CRLF2: variants seen among roughly 807,000 people sequenced by gnomAD.
The protein encoded by CRLF2 is cytokine receptor-like factor 2.
In CRLF2, 41 loss-of-function variants were observed where a neutral mutation model predicts 38.7. The observed-to-expected ratio is 1.06, with a 90% CI of 0.83 to 1.37. CRLF2 has a LOEUF of 1.37. CRLF2 is among the 40% of genes most tolerant of loss of function. CRLF2 has a pLI of 0.00. For missense variants in CRLF2, 377 were observed against 322.2 expected (o/e 1.17, Z -1.30); for synonymous variants, 140 against 128.8 (o/e 1.09, Z -0.59).
intron 5 of CRLF2, among the ~76,000 whole-genome samples, chrX:1,197,755 A>C (rs763633792): frequency 9.2e-5 from 14 of 151,922 alleles, no homozygotes; most frequent in Non-Finnish European, 1.6e-4. Context: ...CGGAGGTTGC[A>C]GTGAGCCAAG....
chrX:1,199,719 G>A (rs150395110), intron 4 of CRLF2, among the ~76,000 whole-genome samples: 1 of 151,684 alleles, frequency 6.6e-6, no homozygotes, highest in Non-Finnish European at 1.5e-5. Flanking sequence ...GTACCAATAA[G>A]ATATCTCTAT....
At chrX:1,198,215 CGA>C (rs2086529660) in intron 5 of CRLF2, among the ~76,000 whole-genome samples, 7 of 21,164 alleles carry the variant, frequency 3.3e-4, no homozygotes, top group Admixed American at 5.2e-4. Context: ...CCTCCCACCT[CGA>C]AGGCAGGACA....
intron 4 of CRLF2, among the ~76,000 whole-genome samples, chrX:1,199,368 G>T (rs144453802): frequency 5.9e-5 from 9 of 151,806 alleles, no homozygotes; most frequent in African/African-American, 2.2e-4. Flanking sequence ...GCAGTGGTGC[G>T]GTCTCGGCTC....
intron 5 of CRLF2, among the ~76,000 whole-genome samples, chrX:1,198,113 G>A (rs144455167): frequency 2.0e-5 from 3 of 151,932 alleles, no homozygotes; most frequent in Non-Finnish European, 4.4e-5. Context: ...AGCTTGCTCA[G>A]ACACACCCTC....
At chrX:1,192,736 C>G (rs2086412588) in intron 7 of CRLF2, among the ~76,000 whole-genome samples, 1 of 111,852 alleles carries the variant, frequency 8.9e-6, no homozygotes, top group Non-Finnish European at 1.9e-5. Context: ...TTCTTTCTTT[C>G]TTTCTTTCTT....
At chrX:1,192,618 C>G (rs1461470197) in intron 7 of CRLF2, among the ~76,000 whole-genome samples, 3 of 150,318 alleles carry the variant, frequency 2.0e-5, no homozygotes, top group Non-Finnish European at 3.0e-5. Context: ...TTCTTTCCTT[C>G]TTTCTCTCTC....
chrX:1,194,231 A>G (rs2086441952), intron 6 of CRLF2, among the ~76,000 whole-genome samples: 1 of 152,052 alleles, frequency 6.6e-6, no homozygotes, highest in Non-Finnish European at 1.5e-5. Context: ...CGGAGACTGC[A>G]GTGATCCAAG....
chrX:1,210,571 A>G lies in CRLF2; in HGVS notation c.80-1663T>C, dbSNP rs190597018. Among the ~76,000 whole-genome samples the G allele has an allele frequency of 1.2e-3, 189 of 152,168 alleles. 3 individuals are homozygous for G. In the East Asian group the frequency reaches 0.026, roughly 21 times the overall value. Reference sequence around the variant, plus strand: ...GTGATCCGCCCACCTCGGCCTCCCAAAGTGCTGGGATTACAGGCATGAGCC... The same window carrying G: ...GTGATCCGCCCACCTCGGCCTCCCAGAGTGCTGGGATTACAGGCATGAGCC... On this transcript the variant is annotated intron_variant, in intron 1 of 7. Transcript: ENST00000400841.
At chrX:1,201,225 A>G (rs1217737720) in intron 4 of CRLF2, among the ~76,000 whole-genome samples, 4 of 152,016 alleles carry the variant, frequency 2.6e-5, no homozygotes, top group Non-Finnish European at 5.9e-5. Flanking sequence ...TGGTACATGC[A>G]GTCTGCTGAT....
chrX:1,192,522 A>C (rs1428343663), intron 7 of CRLF2, among the ~76,000 whole-genome samples: 163 of 152,102 alleles, frequency 1.1e-3, no homozygotes, highest in African/African-American at 3.7e-3. Context: ...AGGCTGAGGC[A>C]GGAGAATCAT....
At chrX:1,192,740 CTTTCTTTCTTTCTTTCT>C in intron 7 of CRLF2, among the ~76,000 whole-genome samples, 3 of 113,098 alleles carry the variant, frequency 2.7e-5, no homozygotes, top group African/African-American at 1.0e-4. Flanking sequence ...TTCTTTCTTT[CTTTCTTTCTTTCTTTCT>C]TTCTTTCTTT....
In CRLF2 at chrX:1,193,297, T is replaced by C. The variant is rs1348007359; in HGVS notation, c.773A>G (p.Lys258Arg). 192,156 of 397,984 alleles carry C rather than the reference T, an allele frequency of 0.48. 48,309 individuals carry two copies. The highest frequency in any genetic ancestry group is 0.71 in the East Asian group (19,878 of 27,998). 24.7% of individuals were successfully genotyped at this position (397,984 alleles called of 1,614,324 possible). The change falls in exon 7 of 8, where the codon AAG becomes AGG. Residue 258 changes from lysine (K) to arginine (R), a missense_variant. Transcript: ENST00000400841. ...TGGCACGCTGGGAATGAGAAACTTC[T>C]TCACTCTGAAATAGAGACGGAGAGC... ...LLSLWKLWRVKKFLIPSVPDP... is the reference protein window; with the variant it reads ...LLSLWKLWRVRKFLIPSVPDP...
intron 5 of CRLF2, among the ~76,000 whole-genome samples, chrX:1,197,920 T>C (rs1423931785): frequency 6.6e-6 from 1 of 152,092 alleles, no homozygotes; most frequent in Non-Finnish European, 1.5e-5. Context: ...GAGAATCGAT[T>C]GAACGTGGGA....
Position 1,198,584 on chromosome X carries a change from G to C in CRLF2, c.624C>G (p.Cys208Trp), listed in dbSNP as rs2147833105. The change falls in exon 5 of 8, where the codon TGC becomes TGG. Residue 208 changes from cysteine (C) to tryptophan (W), a missense_variant. By Grantham distance (215) the Cys-to-Trp change is radical. Transcript: ENST00000400841. ...TYPSDWSEVT[C>W]WQRGEIRDAC... is the part of the protein sequence containing the mutation. The stretch of plus-strand genomic sequence containing the variant: ...TACCCCGAATCTCGCCTCTCTGCCA[G>C]CATGTCACCTCTGACCAGTCGCTTG... 1 of 1,613,684 alleles carries C rather than the reference G, an allele frequency of 6.2e-7. No homozygotes were observed. Among genetic ancestry groups the C allele is most frequent in the Non-Finnish European group, 8.5e-7 (1 of 1,179,688 alleles).
At chrX:1,200,067 T>C (rs2086573792) in intron 4 of CRLF2, among the ~76,000 whole-genome samples, 1 of 108,264 alleles carries the variant, frequency 9.2e-6, no homozygotes, top group Admixed American at 1.0e-4. Flanking sequence ...ATAAGGTGTG[T>C]ATATATGTGT....
intron 7 of CRLF2, among the ~76,000 whole-genome samples, 186 bp from the exon 8 acceptor site, chrX:1,191,346 C>CT (rs1491422134): frequency 0.13 from 5,809 of 44,524 alleles, 313 homozygotes; most frequent in Middle Eastern, 0.25. Flanking sequence ...TCTTTCTTTC[C>CT]TTCTTTCTTT....
At chrX:1,192,143 T>A (rs1423187390) in intron 7 of CRLF2, among the ~76,000 whole-genome samples, 5 of 136,028 alleles carry the variant, frequency 3.7e-5, no homozygotes, top group Non-Finnish European at 7.7e-5. Context: ...AGGTGGAGCT[T>A]GCAGTGAGCC....
At chrX:1,191,337 C>CTTTCTTTCT in intron 7 of CRLF2, among the ~76,000 whole-genome samples, 177 bp from the exon 8 acceptor site, 1 of 115,830 alleles carries the variant, frequency 8.6e-6, no homozygotes, top group South Asian at 3.3e-4. Context: ...TTCTTTCTTT[C>CTTTCTTTCT]TTTCTTTCCT....
chrX:1,210,111 A>AAAAAG (rs775032742), intron 1 of CRLF2, among the ~76,000 whole-genome samples: 25,804 of 107,348 alleles, frequency 0.24, 3,164 homozygotes, highest in East Asian at 0.42. Context: ...ATCAAAAAAA[A>AAAAAG]AAAAGAAAAG....
Sources: gnomAD v4.1 joint callset for allele counts (sites outside exome capture counted in the v4.1 genomes callset) on GRCh38, gnomAD v4.1.1 for gene constraint, MANE v1.5 for transcripts, NCBI Gene and HGNC (gene_info 2026-07-23, HGNC 2026-07-21) for gene names.